CARMIL1: variants seen among roughly 807,000 people sequenced by gnomAD.
CARMIL1 encodes F-actin-uncapping protein LRRC16A.
A neutral mutation model predicts 177.1 loss-of-function variants in CARMIL1; 90 were observed. That is an observed-to-expected ratio of 0.51 (90% CI 0.43 to 0.61). CARMIL1 has a LOEUF of 0.61. CARMIL1 is among the 20% of genes least tolerant of loss of function. The pLI, the probability that CARMIL1 is intolerant of heterozygous loss-of-function variation, is 0.00. For synonymous variants in CARMIL1, 577 were observed against 606.2 expected (o/e 0.95, Z 0.71); for missense variants, 1,380 against 1,667.0 (o/e 0.83, Z 3.00).
At chr6:25,463,491 A>G (rs1221218088) in intron 8 of CARMIL1, among the ~76,000 whole-genome samples, 1 of 152,238 alleles carries the variant, frequency 6.6e-6, no homozygotes, top group Non-Finnish European at 1.5e-5. Context: ...CATCTATGAC[A>G]AAAGCCAGTT....
At chr6:25,382,064 T>G (rs1393780999) in intron 2 of CARMIL1, among the ~76,000 whole-genome samples, 1 of 152,170 alleles carries the variant, frequency 6.6e-6, no homozygotes, top group Non-Finnish European at 1.5e-5. Context: ...TCCAAAGGTT[T>G]TAGAAACTCT....
Position 25,616,821 on chromosome 6 carries a change from G to C in CARMIL1, c.3980-2626G>C, listed in dbSNP as rs565367436. On this transcript the variant is annotated intron_variant, in intron 36 of 36. Transcript: ENST00000329474. Reference sequence around the variant, plus strand: ...CAAAGTTGTTCACATTAGGGATCTGGACTAATAAGGGTGGAGACGAGAAGA... The same window carrying C: ...CAAAGTTGTTCACATTAGGGATCTGCACTAATAAGGGTGGAGACGAGAAGA... 3.0e-4 allele frequency among the ~76,000 whole-genome samples: 45 copies of C among 152,218 alleles called. No individual in the cohort carries two copies. In the South Asian group the frequency reaches 7.5e-3, roughly 25 times the overall value.
chr6:25,336,198 C>A (rs1786213322), intron 2 of CARMIL1, among the ~76,000 whole-genome samples: 1 of 152,092 alleles, frequency 6.6e-6, no homozygotes, highest in Non-Finnish European at 1.5e-5. Flanking sequence ...TTTCTCCTCT[C>A]CTGTTTGCAT....
chr6:25,591,904 T>C (rs1423899305), intron 31 of CARMIL1, among the ~76,000 whole-genome samples: 1 of 152,208 alleles, frequency 6.6e-6, no homozygotes, highest in Non-Finnish European at 1.5e-5. Context: ...TTTGTTCAGC[T>C]CTGTGCCTCC....
intron 31 of CARMIL1, among the ~76,000 whole-genome samples, chr6:25,592,179 C>T (rs1040485757): frequency 6.6e-6 from 1 of 151,918 alleles, no homozygotes; most frequent in Non-Finnish European, 1.5e-5. Flanking sequence ...GTGTGGGTGC[C>T]GCTAACCTTC....
chr6:25,607,367 A>C (rs990113326), intron 35 of CARMIL1, among the ~76,000 whole-genome samples: 1 of 152,174 alleles, frequency 6.6e-6, no homozygotes, highest in African/African-American at 2.4e-5. Flanking sequence ...AGATAGTCAG[A>C]TCATCATCAT....
At chr6:25,305,383 G>C (rs2045232811) in intron 2 of CARMIL1, among the ~76,000 whole-genome samples, 1 of 152,172 alleles carries the variant, frequency 6.6e-6, no homozygotes, top group South Asian at 2.1e-4. Flanking sequence ...TACATGAAGA[G>C]TTTTCTCCTT....
intron 2 of CARMIL1, among the ~76,000 whole-genome samples, chr6:25,396,249 A>G (rs2150560508): frequency 6.6e-6 from 1 of 152,292 alleles, no homozygotes; most frequent in African/African-American, 2.4e-5. Context: ...TAGAATTATA[A>G]CATTGCTTTC....
intron 29 of CARMIL1, among the ~76,000 whole-genome samples, chr6:25,579,747 AT>A (rs1406609564): frequency 6.6e-6 from 1 of 152,178 alleles, no homozygotes; most frequent in African/African-American, 2.4e-5. Flanking sequence ...ATTGCTAATC[AT>A]TTTTTTATCT....
Position 25,577,237 on chromosome 6 carries a change from TTGA to T in CARMIL1, c.2743-3683_2743-3681del. On this transcript the variant is annotated intron_variant, in intron 29 of 36. Transcript: ENST00000329474. The surrounding 1 kb of genome is among the most constrained non-coding windows in gnomAD (Gnocchi z 4.5). Reference sequence around the variant, plus strand: ...CATGTGCCTGAAAGCAAGCAGAGTGTTGATGAAGAGGATACAAACATTCAAGAG... The same window carrying T: ...CATGTGCCTGAAAGCAAGCAGAGTGTTGAAGAGGATACAAACATTCAAGAG... The T allele has an allele frequency of 2.2e-6, 1 of 451,524 alleles. No homozygotes were observed. The highest frequency in any genetic ancestry group is 2.9e-6 in the Non-Finnish European group (1 of 342,226). 28.0% of individuals were successfully genotyped at this position (451,524 alleles called of 1,614,324 possible). A position where few individuals can be genotyped will look rare whatever the true frequency, so the allele number is the denominator to read the frequency against.
intron 2 of CARMIL1, among the ~76,000 whole-genome samples, chr6:25,313,695 T>TATATATGTGTGTATATATATATA (rs1561970791): frequency 8.4e-6 from 1 of 118,956 alleles, no homozygotes; most frequent in African/African-American, 4.2e-5. Context: ...ATATATACAG[T>TATATATGTGTGTATATATATATA]TATTTGGGAG....
At chr6:25,422,936 G>C (rs957857633) in intron 3 of CARMIL1, among the ~76,000 whole-genome samples, 3 of 152,148 alleles carry the variant, frequency 2.0e-5, no homozygotes, top group Admixed American at 6.5e-5. Flanking sequence ...AGCCAGCCTG[G>C]CCAGGGTAGT....
chr6:25,287,758 G>C (rs1185748598), intron 2 of CARMIL1, among the ~76,000 whole-genome samples: 3 of 152,196 alleles, frequency 2.0e-5, no homozygotes, highest in Non-Finnish European at 4.4e-5. Flanking sequence ...ACCCAGCTCT[G>C]CCTCACTCAG....
intron 5 of CARMIL1, among the ~76,000 whole-genome samples, chr6:25,444,672 C>G (rs566855718): frequency 1.4e-4 from 22 of 152,262 alleles, no homozygotes; most frequent in African/African-American, 5.3e-4. Flanking sequence ...TGGTTTCCAG[C>G]CTCATCCATG....
chr6:25,317,745 T>C (rs1043890453), intron 2 of CARMIL1, among the ~76,000 whole-genome samples: 1 of 151,758 alleles, frequency 6.6e-6, no homozygotes, highest in African/African-American at 2.4e-5. Flanking sequence ...AATTCTTTTT[T>C]GTAGAGAAGT....
At chr6:25,351,020 C>A (rs779916670) in intron 2 of CARMIL1, among the ~76,000 whole-genome samples, 1 of 152,132 alleles carries the variant, frequency 6.6e-6, no homozygotes, top group Non-Finnish European at 1.5e-5. Context: ...AGCACTCCCT[C>A]TTTGGATCAT....
rs111631367 is a variant in CARMIL1, at chr6:25,548,694, A to C, written c.2329-2216A>C. On this transcript the variant is annotated intron_variant, in intron 26 of 36. Transcript: ENST00000329474. ...CAGCCCTAGATACTGTTTATTTAAG[A>C]GAACAAGGGAACAAACTTATAAGTA... Among the ~76,000 whole-genome samples, 286 of 152,280 alleles carry C rather than the reference A, an allele frequency of 1.9e-3. 2 individuals are homozygous for C. The highest frequency in any genetic ancestry group is 0.014 in the Middle Eastern group (4 of 294).
chr6:25,322,092 C>G (rs1784723142), intron 2 of CARMIL1, among the ~76,000 whole-genome samples: 1 of 152,082 alleles, frequency 6.6e-6, no homozygotes, highest in African/African-American at 2.4e-5. Flanking sequence ...ATGCCTGGCT[C>G]TCTTTCAGTT....
Position 25,426,511 on chromosome 6 carries a change from C to A in CARMIL1, c.200C>A (p.Thr67Asn), listed in dbSNP as rs776180306. The change falls in exon 4 of 37, where the codon ACC becomes AAC. Residue 67 changes from threonine to asparagine, a missense_variant. Thr to Asn is a moderately conservative substitution (Grantham distance 65). Coordinates refer to ENST00000329474, the MANE Select transcript of CARMIL1 (RefSeq NM_017640.6). ...TARIPTKLEL[T>N]FSYLEIHGVV... ...TCCCCTCAATTGCAGCTCGAGTTAA[C>A]CTTCAGCTACTTGGAGATTCATGGC... 6.2e-7 allele frequency: 1 copy of A among 1,611,774 alleles called. No individual in the cohort carries two copies. Among genetic ancestry groups the A allele is most frequent in the East Asian group, 2.2e-5 (1 of 44,804 alleles).
Sources: allele counts gnomAD v4.1 joint callset (sites outside exome capture counted in the v4.1 genomes callset), GRCh38; gene constraint gnomAD v4.1.1; non-coding constraint Gnocchi (gnomAD v3.1); transcripts MANE v1.5; gene names NCBI Gene and HGNC (gene_info 2026-07-23, HGNC 2026-07-21).